Variants in TGFBRAP1 observed in about 807,000 individuals in gnomAD.
The protein encoded by TGFBRAP1 is transforming growth factor-beta receptor-associated protein 1.
Under a neutral mutation model 83.2 loss-of-function variants are expected in TGFBRAP1, and 20 were observed. The ratio of observed to expected loss-of-function variants is 0.24; its 90% confidence interval spans 0.17 to 0.35. TGFBRAP1 has a LOEUF of 0.35. TGFBRAP1 is among the 10% of genes least tolerant of loss of function. The pLI, the probability that TGFBRAP1 is intolerant of heterozygous loss-of-function variation, is 1.00. For missense variants in TGFBRAP1, 950 were observed against 1,099.4 expected (o/e 0.86, Z 1.92); for synonymous variants, 415 against 459.8 (o/e 0.90, Z 1.25).
the TGFBRAP1 span, among the ~76,000 whole-genome samples, chr2:105,257,464 G>A: frequency 2.6e-5 from 4 of 152,022 alleles, no homozygotes; most frequent in African/African-American, 9.7e-5. Context: ...CTTCCCATCT[G>A]TATGAACCTG....
At position 105,298,577 on chromosome 2, in the gene TGFBRAP1, T is replaced by C. The variant is rs1250019546; in HGVS notation, c.817A>G (p.Met273Val). The change falls in exon 3 of 12, where the codon ATG becomes GTG. Residue 273 changes from methionine (M) to valine (V), a missense_variant. Transcript: ENST00000393359. ...LDDEFITVHS[M>V]LDQQQKQTLP... ...GTCTGCTTCTGTTGCTGATCCAACA[T>C]GCTGTGGACTGTGATGAATTCGTCA... 1.2e-6 allele frequency: 2 copies of C among 1,613,908 alleles called. No individual in the cohort carries two copies. Among genetic ancestry groups the C allele is most frequent in the Admixed American group, 3.3e-5 (2 of 59,976 alleles).
intron 1 of TGFBRAP1, among the ~76,000 whole-genome samples, chr2:105,312,910 G>A (rs1277862747): frequency 2.0e-5 from 3 of 152,122 alleles, no homozygotes; most frequent in Non-Finnish European, 4.4e-5. Context: ...TCAGGAGTTC[G>A]AGACCAGCCT....
intron 1 of TGFBRAP1, among the ~76,000 whole-genome samples, chr2:105,310,286 C>T (rs1678649139): frequency 6.6e-6 from 1 of 152,156 alleles, no homozygotes; most frequent in Non-Finnish European, 1.5e-5. Flanking sequence ...TCTGGATCAG[C>T]TCTCACTCCT....
intron 6 of TGFBRAP1, among the ~76,000 whole-genome samples, chr2:105,279,088 T>C (rs968986470): frequency 1.3e-5 from 2 of 152,006 alleles, no homozygotes; most frequent in Admixed American, 1.3e-4. Context: ...AGCTGAGGGA[T>C]CACCCAACCC....
At chr2:105,300,457 G>A (rs922669153) in intron 2 of TGFBRAP1, among the ~76,000 whole-genome samples, 5 of 84,842 alleles carry the variant, frequency 5.9e-5, no homozygotes, top group African/African-American at 8.9e-5. Flanking sequence ...TTTTTTTTCC[G>A]AGACAGTCTC....
At chr2:105,313,198 T>C (rs1678747518) in intron 1 of TGFBRAP1, among the ~76,000 whole-genome samples, 2 of 152,246 alleles carry the variant, frequency 1.3e-5, no homozygotes, top group Admixed American at 1.3e-4. Flanking sequence ...ATGACAATTC[T>C]GTTCTTTCCG....
chr2:105,251,860 T>C, the TGFBRAP1 span, among the ~76,000 whole-genome samples: 29,749 of 149,378 alleles, frequency 0.2, 3,022 homozygotes, highest in Middle Eastern at 0.32. Flanking sequence ...CCCTGTGCTC[T>C]CTGAAACATG....
chr2:105,278,080 G>A (rs1357227707), intron 6 of TGFBRAP1, among the ~76,000 whole-genome samples: 10 of 67,230 alleles, frequency 1.5e-4, no homozygotes, highest in African/African-American at 4.2e-4. Flanking sequence ...GTGTGTGTGT[G>A]TGTGTGTGTG....
the TGFBRAP1 span, among the ~76,000 whole-genome samples, chr2:105,257,036 G>GC: frequency 1.3e-5 from 2 of 152,192 alleles, no homozygotes; most frequent in African/African-American, 4.8e-5. Context: ...CCCTTGTTTA[G>GC]CATGTAATCA....
rs1302944544 is a variant in TGFBRAP1 at position 105,275,578 on chromosome 2, G to A, written c.1647C>T (p.Val549=). 10 of 1,613,882 alleles carry A rather than the reference G, an allele frequency of 6.2e-6. No individual in the cohort carries two copies. Among genetic ancestry groups the A allele is most frequent in the Non-Finnish European group, 8.5e-6 (10 of 1,179,972 alleles). Residue 549 remains valine, a synonymous_variant, in exon 8 of 12, where the codon GTC becomes GTT. Coordinates refer to ENST00000393359, the MANE Select transcript of TGFBRAP1 (RefSeq NM_004257.6). ...EELVWAYADW[V]LQKSEEVGVQ... is the part of the protein sequence containing the mutation. Reference sequence around the variant, plus strand: ...CACAAACCTCTTCACTTTTCTGCAGGACCCAATCAGCATAGGCCCACACTA... The same window carrying A: ...CACAAACCTCTTCACTTTTCTGCAGAACCCAATCAGCATAGGCCCACACTA...
At chr2:105,262,247 G>A (rs567612442), downstream of TGFBRAP1, among the ~76,000 whole-genome samples, 9 of 152,284 alleles carry the variant, frequency 5.9e-5, no homozygotes, top group Admixed American at 5.2e-4. Context: ...GGCCTAGTGG[G>A]AGGTATTGGA....
intron 11 of TGFBRAP1, chr2:105,267,769 C>G (rs1282625766): frequency 1.0e-6 from 1 of 985,282 alleles, no homozygotes; most frequent in East Asian, 1.1e-4. Context: ...TACACAATTG[C>G]TTTTCTTATT....
chr2:105,325,739 G>A (rs1005698360), intron 1 of TGFBRAP1, among the ~76,000 whole-genome samples: 7 of 152,116 alleles, frequency 4.6e-5, no homozygotes, highest in Admixed American at 1.3e-4. Context: ...ACCAAAACAG[G>A]ATACACATTT....
intron 4 of TGFBRAP1, among the ~76,000 whole-genome samples, chr2:105,294,591 G>T (rs1183405130): frequency 6.6e-6 from 1 of 152,154 alleles, no homozygotes; most frequent in African/African-American, 2.4e-5. Context: ...GGGTGAACTC[G>T]AGATAATTCT....
intron 1 of TGFBRAP1, among the ~76,000 whole-genome samples, chr2:105,325,525 A>T (rs1337502254): frequency 6.6e-6 from 1 of 152,164 alleles, no homozygotes; most frequent in African/African-American, 2.4e-5. Context: ...ATCCTCTCCT[A>T]GAATTCAGTT....
intron 5 of TGFBRAP1, among the ~76,000 whole-genome samples, chr2:105,283,127 A>G (rs1053502312): frequency 1.5e-4 from 23 of 152,220 alleles, no homozygotes; most frequent in African/African-American, 5.3e-4. Context: ...GGCAGAAAAG[A>G]GCCTAGGTCC....
intron 2 of TGFBRAP1, 132 bp from the exon 3 acceptor site, chr2:105,298,837 G>GA: frequency 1.3e-6 from 1 of 789,384 alleles, no homozygotes; most frequent in East Asian, 2.9e-5. Flanking sequence ...TTCAAGGAAG[G>GA]AAAAACAATA....
intron 4 of TGFBRAP1, among the ~76,000 whole-genome samples, 188 bp from the exon 5 acceptor site, chr2:105,284,586 A>C (rs1364752090): frequency 6.6e-6 from 1 of 152,142 alleles, no homozygotes; most frequent in Non-Finnish European, 1.5e-5. Context: ...GTAATTCCCC[A>C]ATCTTTCCCA....
Position 105,307,961 on chromosome 2 carries a change from G to A in TGFBRAP1, c.341C>T (p.Ala114Val), listed in dbSNP as rs373317433. The change falls in exon 2 of 12, where the codon GCC becomes GTC. Residue 114 changes from alanine (A) to valine (V), a missense_variant. Transcript: ENST00000393359. Reference sequence around the variant, plus strand: ...AAACGTGGCTGCCCCCTTGATGCGGGCCCCCGAAGGCACTGGCTCGAGGTT... The same window carrying A: ...AAACGTGGCTGCCCCCTTGATGCGGACCCCCGAAGGCACTGGCTCGAGGTT... ...MLNLEPVPSG[A>V]RIKGAATFAL... is the part of the protein sequence containing the mutation. The A allele has an allele frequency of 1.2e-6, 2 of 1,614,134 alleles. No homozygotes were observed. Among genetic ancestry groups the A allele is most frequent in the Middle Eastern group, 1.6e-4 (1 of 6,084 alleles).
Sources: gnomAD v4.1 joint callset for allele counts (sites outside exome capture counted in the v4.1 genomes callset) on GRCh38, gnomAD v4.1.1 for gene constraint, MANE v1.5 for transcripts, NCBI Gene and HGNC (gene_info 2026-07-23, HGNC 2026-07-21) for gene names.